Variants in KCNK2 observed in about 807,000 individuals in gnomAD.
KCNK2 encodes potassium channel subfamily K member 2.
A neutral mutation model predicts 40.5 loss-of-function variants in KCNK2; 21 were observed. The observed-to-expected ratio is 0.52, with a 90% CI of 0.37 to 0.75. KCNK2 has a LOEUF of 0.75. Among genes scored for constraint, KCNK2 ranks in the 30% least tolerant of loss-of-function variants. The pLI is 0.00. For missense variants in KCNK2, 399 were observed against 531.6 expected (o/e 0.75, Z 2.45); for synonymous variants, 191 against 202.2 (o/e 0.94, Z 0.47).
intron 1 of KCNK2, among the ~76,000 whole-genome samples, chr1:215,044,118 G>A (rs1009848750): frequency 6.6e-6 from 1 of 152,094 alleles, no homozygotes; most frequent in African/African-American, 2.4e-5. Flanking sequence ...GGTTCTTTAA[G>A]TACAATAAAT....
At chr1:215,084,809 A>C (rs1457452192) in intron 1 of KCNK2, among the ~76,000 whole-genome samples, 1 of 152,192 alleles carries the variant, frequency 6.6e-6, no homozygotes, top group Non-Finnish European at 1.5e-5. Context: ...CTCCACTTGG[A>C]GCCATGGGTA....
chr1:215,062,305 G>C (rs1354975766), intron 1 of KCNK2, among the ~76,000 whole-genome samples: 7 of 152,034 alleles, frequency 4.6e-5, no homozygotes, highest in Admixed American at 3.9e-4. Context: ...AGTCAGTACT[G>C]GTTTGAATTT....
chr1:215,142,588 T>C (rs1662231988), intron 3 of KCNK2, among the ~76,000 whole-genome samples: 1 of 152,090 alleles, frequency 6.6e-6, no homozygotes, highest in African/African-American at 2.4e-5. Flanking sequence ...TACTTTGGAT[T>C]GGTGTTTCTA....
At chr1:215,080,246 T>C (rs887320821), upstream of KCNK2, among the ~76,000 whole-genome samples, 13 of 152,192 alleles carry the variant, frequency 8.5e-5, no homozygotes, top group Non-Finnish European at 1.5e-5. Flanking sequence ...CTAGTAAGCA[T>C]TAGCCAGTTT....
At position 215,083,131 on chromosome 1, in the gene KCNK2, G is replaced by A. The variant is rs1432866245; in HGVS notation, c.-255G>A. The A allele has an allele frequency of 2.8e-6, 2 of 725,554 alleles. No homozygotes were observed. Among genetic ancestry groups the A allele is most frequent in the Admixed American group, 5.1e-5 (2 of 39,356 alleles). 44.9% of individuals were successfully genotyped at this position (725,554 alleles called of 1,614,324 possible). A position where few individuals can be genotyped will look rare whatever the true frequency, so the allele number is the denominator to read the frequency against. ...GGCGCCCAAGCCCAACTTGGCCTCC[G>A]CCTCGCCCTCTGCCCAGCCCGCCGG... On this transcript the variant is annotated 5_prime_UTR_variant, in exon 1 of 7. Transcript: ENST00000444842.
intron 3 of KCNK2, among the ~76,000 whole-genome samples, chr1:215,130,842 G>T (rs1397986062): frequency 6.7e-6 from 1 of 150,372 alleles, no homozygotes; most frequent in Non-Finnish European, 1.5e-5. Flanking sequence ...TAATTTTTAA[G>T]TTTTTTTTAT....
intron 2 of KCNK2, among the ~76,000 whole-genome samples, chr1:215,123,910 T>C (rs60350537): frequency 0.083 from 12,583 of 152,242 alleles, 574 homozygotes; most frequent in Middle Eastern, 0.15. Flanking sequence ...GGGATTATAA[T>C]GTCATCTTTC....
rs1331155331 is a variant in KCNK2 at position 215,007,173 on chromosome 1, GTATGTGTGTGGGTATATA to G, written c.34+1222_34+1239del. On this transcript the variant is annotated intron_variant, in intron 1 of 6. Transcript: ENST00000391895. ...TATATATATGTATGTATATATATAT[GTATGTGTGTGGGTATATA>G]TATATATATATATATATATATATAT... 1.9e-3 allele frequency among the ~76,000 whole-genome samples: 149 copies of G among 76,804 alleles called. 2 individuals carry two copies. The South Asian group carries it at 0.04, about 20-fold the overall frequency. The allele number at this position is 76,804 out of a possible 152,430, so 50.4% of individuals were successfully genotyped here.
At chr1:215,209,322 ACATATT>A (rs1326812119) in intron 6 of KCNK2, among the ~76,000 whole-genome samples, 1 of 56,094 alleles carries the variant, frequency 1.8e-5, no homozygotes, top group African/African-American at 5.9e-5. Flanking sequence ...TGAAATATAC[ACATATT>A]TTTATATATA....
At chr1:215,078,402 A>G (rs1659028955), upstream of KCNK2, among the ~76,000 whole-genome samples, 1 of 152,250 alleles carries the variant, frequency 6.6e-6, no homozygotes, top group African/African-American at 2.4e-5. Context: ...TATATAAAAA[A>G]GAGGTTTAAT....
intron 6 of KCNK2, among the ~76,000 whole-genome samples, chr1:215,196,087 A>ATT (rs5780818): frequency 6.9e-6 from 1 of 144,934 alleles, no homozygotes; most frequent in African/African-American, 2.5e-5. Flanking sequence ...AAGTCATATA[A>ATT]TTTTTTTTTT....
chr1:215,235,880 C>G lies in KCNK2; in HGVS notation c.*735C>G, dbSNP rs1462405636. On this transcript the variant is annotated 3_prime_UTR_variant, in exon 7 of 7. Coordinates refer to ENST00000444842, the MANE Select transcript of KCNK2 (RefSeq NM_001017425.3). ...CAGAGAAATGAGGTGCAGAGGTGGC[C>G]CCTCTGAGTATTTATTTGACTCAGG... The G allele has an allele frequency of 2.0e-5, 3 of 152,468 alleles. No homozygotes were observed. The highest frequency in any genetic ancestry group is 4.4e-5 in the Non-Finnish European group (3 of 68,016). 9.4% of individuals were successfully genotyped at this position (152,468 alleles called of 1,614,324 possible).
At chr1:215,017,553 C>G (rs909766565) in intron 1 of KCNK2, among the ~76,000 whole-genome samples, 1 of 151,964 alleles carries the variant, frequency 6.6e-6, no homozygotes, top group Non-Finnish European at 1.5e-5. Context: ...CTCATAGAAG[C>G]AGAAAATAGA....
chr1:215,118,723 A>G (rs538742332), intron 2 of KCNK2, among the ~76,000 whole-genome samples: 2 of 152,266 alleles, frequency 1.3e-5, no homozygotes, highest in African/African-American at 4.8e-5. Flanking sequence ...AAAATGGAGA[A>G]AAAGCGGAAA....
intron 1 of KCNK2, among the ~76,000 whole-genome samples, chr1:215,020,794 G>A (rs1305624779): frequency 6.6e-6 from 1 of 152,130 alleles, no homozygotes; most frequent in African/African-American, 2.4e-5. Context: ...ATTTGGATGT[G>A]TAAATTATAG....
At chr1:215,050,912 T>G (rs1270382348) in intron 1 of KCNK2, among the ~76,000 whole-genome samples, 3 of 152,290 alleles carry the variant, frequency 2.0e-5, no homozygotes, top group Admixed American at 2.0e-4. Context: ...AACTGTGGGA[T>G]GTCACAGTAA....
chr1:215,033,192 G>T (rs1657264684), intron 1 of KCNK2, among the ~76,000 whole-genome samples: 1 of 120,340 alleles, frequency 8.3e-6, no homozygotes. Context: ...TTGATCTCTA[G>T]CAGTTTCTTT....
At chr1:215,071,670 A>G (rs2102515864) in intron 1 of KCNK2, among the ~76,000 whole-genome samples, 1 of 152,290 alleles carries the variant, frequency 6.6e-6, no homozygotes. Context: ...CAGAGAAGGG[A>G]GATGAACAGA....
At chr1:215,090,010 G>A (rs1199825400) in intron 2 of KCNK2, among the ~76,000 whole-genome samples, 1 of 151,862 alleles carries the variant, frequency 6.6e-6, no homozygotes, top group East Asian at 1.9e-4. Flanking sequence ...ATTTTTAGTA[G>A]AGACGGGGTT....
Sources: gnomAD v4.1 joint callset for allele counts (sites outside exome capture counted in the v4.1 genomes callset) on GRCh38, gnomAD v4.1.1 for gene constraint, MANE v1.5 for transcripts, NCBI Gene and HGNC (gene_info 2026-07-23, HGNC 2026-07-21) for gene names.